Variants in MS4A7 observed in about 807,000 individuals in gnomAD.
MS4A7 encodes the protein membrane spanning 4-domains A7.
Under a neutral mutation model 23.5 loss-of-function variants are expected in MS4A7, and 21 were observed. The observed-to-expected ratio is 0.89, with a 90% confidence interval of 0.63 to 1.29. MS4A7 has a LOEUF of 1.29. MS4A7 is among the 50% of genes most tolerant of loss of function. The probability of loss-of-function intolerance (pLI) is 0.00; values close to 1 mark genes in which losing one functional copy is unlikely to be tolerated. For missense variants in MS4A7, 263 were observed against 274.2 expected, an observed-to-expected ratio of 0.96 and a Z score of 0.29; for synonymous variants, 111 against 107.4, an observed-to-expected ratio of 1.03 and a Z score of -0.21.
In MS4A7 at chr11:60,389,414, G is replaced by T; in HGVS notation, c.364G>T (p.Ala122Ser). Residue 122 changes from alanine (A) to serine (S), a missense_variant, in exon 5 of 7, where the codon GCA becomes TCA. Transcript: ENST00000300184. ...GGACCTGAGCAGCTTGACCTCAAAT[G>T]CAGTGAGTTCTGTTACTGCAGGAGC... ...PFDLSSLTSNAVSSVTAGAGL... is the reference protein window; with the variant it reads ...PFDLSSLTSNSVSSVTAGAGL... 1 of 1,613,108 alleles carries T rather than the reference G, an allele frequency of 6.2e-7. No individual in the cohort carries two copies. Among genetic ancestry groups the T allele is most frequent in the Non-Finnish European group, 8.5e-7 (1 of 1,179,508 alleles).
In MS4A7 at chr11:60,394,773, GC is replaced by G. The variant is rs2085594754; in HGVS notation, c.*915del. On this transcript the variant is annotated 3_prime_UTR_variant, in exon 7 of 7. Coordinates refer to ENST00000300184, the MANE Select transcript of MS4A7 (RefSeq NM_021201.5). ...GCGGAGACTGCACCACTGCATTCCA[GC>G]CCGGCCTACAAGAACAAAACTCCAT... 1 of 288,298 alleles carries G rather than the reference GC, an allele frequency of 3.5e-6. No individual in the cohort carries two copies. Among genetic ancestry groups the G allele is most frequent in the African/African-American group, 2.2e-5 (1 of 45,448 alleles). 17.9% of individuals were successfully genotyped at this position (288,298 alleles called of 1,614,324 possible). A position where few individuals can be genotyped will look rare whatever the true frequency, so the allele number is the denominator to read the frequency against.
Position 60,394,688 on chromosome 11 carries a change from G to T in MS4A7, c.*827G>T, listed in dbSNP as rs1308555486. On this transcript the variant is annotated 3_prime_UTR_variant, in exon 7 of 7. Coordinates refer to ENST00000300184, the MANE Select transcript of MS4A7 (RefSeq NM_021201.5). Reference sequence around the variant, plus strand: ...ATGGTGGTGCGCACCTGTAGTTCCAGCTACTTGGGAGGCTGAGGCAGAAGA... The same window carrying T: ...ATGGTGGTGCGCACCTGTAGTTCCATCTACTTGGGAGGCTGAGGCAGAAGA... 4 of 195,892 alleles carry T rather than the reference G, an allele frequency of 2.0e-5. No homozygotes were observed. Among genetic ancestry groups the T allele is most frequent in the Non-Finnish European group, 4.0e-5 (4 of 98,768 alleles). The allele number at this position is 195,892 out of a possible 1,614,324, so 12.1% of individuals were successfully genotyped here.
rs1172054049 is a variant in MS4A7 at position 60,395,623 on chromosome 11, T to C, written c.*1762T>C. Reference sequence around the variant, plus strand: ...TTTGTGTAGTTCAAACCAGGAAGGATTTGACTATCATTAGATTTTGCTTAA... The same window carrying C: ...TTTGTGTAGTTCAAACCAGGAAGGACTTGACTATCATTAGATTTTGCTTAA... On this transcript the variant is annotated 3_prime_UTR_variant, in exon 7 of 7. Transcript: ENST00000300184. 1.3e-5 allele frequency: 2 copies of C among 152,204 alleles called. No individual in the cohort carries two copies. The highest frequency in any genetic ancestry group is 2.4e-5 in the African/African-American group (1 of 41,446). 9.4% of individuals were successfully genotyped at this position (152,204 alleles called of 1,614,324 possible). A position where few individuals can be genotyped will look rare whatever the true frequency, so the allele number is the denominator to read the frequency against.
At chr11:60,386,482 C>A in intron 3 of MS4A7, 1 of 439,228 alleles carries the variant, frequency 2.3e-6, no homozygotes, top group Non-Finnish European at 4.0e-6. Context: ...CTAGTGATTT[C>A]CACTAAAACA....
At chr11:60,392,505 T>C (rs2085563894) in intron 5 of MS4A7, among the ~76,000 whole-genome samples, 180 bp from the exon 6 acceptor site, 1 of 152,208 alleles carries the variant, frequency 6.6e-6, no homozygotes, top group Non-Finnish European at 1.5e-5. Context: ...GATGATGCCG[T>C]TGCTGCTTAT....
rs1439107282 is a variant in MS4A7 at position 60,394,047 on chromosome 11, C to T, written c.*186C>T. On this transcript the variant is annotated 3_prime_UTR_variant, in exon 7 of 7. Coordinates refer to ENST00000300184, the MANE Select transcript of MS4A7 (RefSeq NM_021201.5). ...TCTTGAAAATAATTTCCTCAAAGCC[C>T]AAGTCAATAAATGTTATCAGCCAGT... 5.7e-6 allele frequency: 2 copies of T among 351,370 alleles called. No individual in the cohort carries two copies. The highest frequency in any genetic ancestry group is 9.3e-6 in the Non-Finnish European group (2 of 215,196). The allele number at this position is 351,370 out of a possible 1,614,324, so 21.8% of individuals were successfully genotyped here. A position where few individuals can be genotyped will look rare whatever the true frequency, so the allele number is the denominator to read the frequency against.
At chr11:60,385,503 G>A (rs1202911652) in intron 3 of MS4A7, among the ~76,000 whole-genome samples, 1 of 152,234 alleles carries the variant, frequency 6.6e-6, no homozygotes, top group Non-Finnish European at 1.5e-5. Flanking sequence ...CTCTAGAAAA[G>A]TGGATGATTT....
At chr11:60,383,060 T>C (rs1278069731) in intron 1 of MS4A7, 69 bp from the exon 2 acceptor site, 6 of 1,518,100 alleles carry the variant, frequency 4.0e-6, no homozygotes, top group South Asian at 1.2e-5. Context: ...CTACAAAGTA[T>C]GGTCCCTGGG....
At position 60,383,141 on chromosome 11, in the gene MS4A7, C is replaced by T. The variant is rs1206782452; in HGVS notation, c.-1C>T. On this transcript the variant is annotated 5_prime_UTR_variant, in exon 2 of 7. Coordinates refer to ENST00000300184, the MANE Select transcript of MS4A7 (RefSeq NM_021201.5). ...ATGCCTCTTCCAGCATCATCAGCAT[C>T]ATGCTATTACAATCCCAAACCATGG... The T allele has an allele frequency of 6.2e-7, 1 of 1,612,850 alleles. No individual in the cohort carries two copies. Among genetic ancestry groups the T allele is most frequent in the South Asian group, 1.1e-5 (1 of 90,798 alleles).
intron 6 of MS4A7, 133 bp from the exon 7 acceptor site, chr11:60,393,654 G>T: frequency 2.0e-6 from 1 of 500,238 alleles, no homozygotes; most frequent in Non-Finnish European, 3.5e-6. Context: ...AATTAATATT[G>T]CTGCAATTAC....
intron 6 of MS4A7, 98 bp downstream of exon 6, chr11:60,392,884 G>T: frequency 1.2e-6 from 1 of 822,212 alleles, no homozygotes; most frequent in Middle Eastern, 2.5e-4. Flanking sequence ...ATCAATTATT[G>T]TTCATGAGGT....
intron 3 of MS4A7, 24 bp from the exon 4 acceptor site, chr11:60,386,693 A>T (rs993870007): frequency 6.3e-7 from 1 of 1,597,516 alleles, no homozygotes; most frequent in Non-Finnish European, 8.6e-7. Flanking sequence ...AACTGAACTG[A>T]TCATTTCTCT....
chr11:60,387,853 T>A (rs146810243), intron 4 of MS4A7, among the ~76,000 whole-genome samples: 202 of 152,350 alleles, frequency 1.3e-3, no homozygotes, highest in Non-Finnish European at 2.3e-3. Context: ...TACCTACAGG[T>A]GGATCAGGCC....
chr11:60,385,686 G>A (rs2085478148), intron 3 of MS4A7, among the ~76,000 whole-genome samples: 2 of 152,132 alleles, frequency 1.3e-5, no homozygotes, highest in East Asian at 3.9e-4. Flanking sequence ...ATTCATGGGA[G>A]GCAGGGACAT....
chr11:60,386,830 A>C, intron 4 of MS4A7, 57 bp downstream of exon 4: 1 of 1,361,874 alleles, frequency 7.3e-7, no homozygotes, highest in Non-Finnish European at 1.0e-6. Context: ...CGTCAGAGTT[A>C]ATTCTTCTAG....
Position 60,395,049 on chromosome 11 carries a change from A to G in MS4A7, c.*1188A>G, listed in dbSNP as rs1000827299. On this transcript the variant is annotated 3_prime_UTR_variant, in exon 7 of 7. Transcript: ENST00000300184. ...GGAGCTAAATGCTGCTCATGCTGAA[A>G]AGAATAATGTCTATTTCTTTGTTTG... is the stretch of plus-strand genomic sequence containing the variant. 14 of 578,710 alleles carry G rather than the reference A, an allele frequency of 2.4e-5. No homozygotes were observed. Among genetic ancestry groups the G allele is most frequent in the Admixed American group, 1.9e-4 (7 of 36,776 alleles). The allele number at this position is 578,710 out of a possible 1,614,324, so 35.8% of individuals were successfully genotyped here.
At chr11:60,388,355 G>A (rs1322366956) in intron 4 of MS4A7, among the ~76,000 whole-genome samples, 1 of 152,178 alleles carries the variant, frequency 6.6e-6, no homozygotes, top group Non-Finnish European at 1.5e-5. Context: ...GCACACAGAT[G>A]GATCAGTGAC....
At chr11:60,387,598 G>A (rs1473759437) in intron 4 of MS4A7, among the ~76,000 whole-genome samples, 1 of 152,140 alleles carries the variant, frequency 6.6e-6, no homozygotes, top group Admixed American at 6.5e-5. Context: ...GAGGGTGATG[G>A]AGTAGGGGTG....
At chr11:60,383,097 G>A in intron 1 of MS4A7, 32 bp from the exon 2 acceptor site, 2 of 1,604,572 alleles carry the variant, frequency 1.2e-6, no homozygotes, top group Non-Finnish European at 1.7e-6. Flanking sequence ...GTCAAACCTT[G>A]GGAAGTAACT....
Sources: gnomAD v4.1 joint callset for allele counts (sites outside exome capture counted in the v4.1 genomes callset) on GRCh38, gnomAD v4.1.1 for gene constraint, MANE v1.5 for transcripts, NCBI Gene and HGNC (gene_info 2026-07-23, HGNC 2026-07-21) for gene names.